Variants in LRP1B observed in about 807,000 individuals in gnomAD.
LRP1B encodes the protein low-density lipoprotein receptor-related protein 1B.
Under a neutral mutation model 556.6 loss-of-function variants are expected in LRP1B, and 217 were observed. The ratio of observed to expected loss-of-function variants is 0.39; its 90% CI spans 0.35 to 0.44. LRP1B has a LOEUF of 0.44. Ranked by LOEUF, LRP1B falls within the 20% of genes least tolerant of loss-of-function variation. The pLI, the probability that LRP1B is intolerant of heterozygous loss-of-function variation, is 1.00. For synonymous variants in LRP1B, 2,047 were observed against 1,865.8 expected, an observed-to-expected ratio of 1.10 and a Z score of -2.50; for missense variants, 5,053 against 5,620.8, an observed-to-expected ratio of 0.90 and a Z score of 3.23.
At chr2:141,276,313 G>GT (rs1216825795) in intron 3 of LRP1B, among the ~76,000 whole-genome samples, 1 of 148,972 alleles carries the variant, frequency 6.7e-6, no homozygotes, top group African/African-American at 2.5e-5. Flanking sequence ...TTAGCTTTTA[G>GT]TTTTAGGGGT....
intron 49 of LRP1B, among the ~76,000 whole-genome samples, chr2:140,521,973 T>C (rs781544923): frequency 6.6e-6 from 1 of 151,976 alleles, no homozygotes; most frequent in Non-Finnish European, 1.5e-5. Context: ...ACAAAACAAC[T>C]TGATAGCCAC....
In LRP1B at chr2:141,988,906, A is replaced by T. The variant is rs77343849; in HGVS notation, c.82+141742T>A. Reference sequence around the variant, plus strand: ...TATAACAGCTTTGTAATTATCCAACATAAATAAGTGCCTACTGCATGCATA... The same window carrying T: ...TATAACAGCTTTGTAATTATCCAACTTAAATAAGTGCCTACTGCATGCATA... On this transcript the variant is annotated intron_variant, in intron 1 of 90. Transcript: ENST00000389484. Among the ~76,000 whole-genome samples, 878 of 152,196 alleles carry T rather than the reference A, an allele frequency of 5.8e-3. 20 individuals are homozygous for T. The highest frequency in any genetic ancestry group is 3.7e-3 in the Non-Finnish European group (251 of 67,948).
intron 41 of LRP1B, among the ~76,000 whole-genome samples, chr2:140,640,544 C>A (rs939905287): frequency 6.6e-6 from 1 of 150,726 alleles, no homozygotes; most frequent in Non-Finnish European, 1.5e-5. Flanking sequence ...TACAGGCGCC[C>A]GCCACCATGC....
chr2:141,837,294 C>G (rs1447903191), intron 1 of LRP1B, among the ~76,000 whole-genome samples: 1 of 151,996 alleles, frequency 6.6e-6, no homozygotes, highest in Non-Finnish European at 1.5e-5. Flanking sequence ...TTAAAATTCA[C>G]AGTGATGGCC....
intron 6 of LRP1B, among the ~76,000 whole-genome samples, chr2:141,222,281 A>C (rs992536258): frequency 7.9e-5 from 12 of 152,220 alleles, no homozygotes; most frequent in African/African-American, 2.9e-4. Context: ...TAAACTAGAC[A>C]ATCTAGAAGA....
At chr2:140,656,091 C>T (rs974703851) in intron 41 of LRP1B, among the ~76,000 whole-genome samples, 1 of 152,196 alleles carries the variant, frequency 6.6e-6, no homozygotes, top group Non-Finnish European at 1.5e-5. Flanking sequence ...ATAAGTCCAT[C>T]TATGTCAGAC....
chr2:141,396,693 TA>T (rs1325147361), intron 3 of LRP1B, among the ~76,000 whole-genome samples: 1 of 152,132 alleles, frequency 6.6e-6, no homozygotes, highest in African/African-American at 2.4e-5. Context: ...AAATTCTGGA[TA>T]GGGGAAAAAC....
intron 23 of LRP1B, among the ~76,000 whole-genome samples, chr2:140,894,998 C>G (rs1412048963): frequency 6.6e-6 from 1 of 150,980 alleles, no homozygotes; most frequent in Non-Finnish European, 1.5e-5. Flanking sequence ...GTAATCAGAT[C>G]TGGGGTGAAA....
At chr2:140,488,697 G>A (rs1688577369) in intron 57 of LRP1B, among the ~76,000 whole-genome samples, 1 of 151,950 alleles carries the variant, frequency 6.6e-6, no homozygotes, top group Non-Finnish European at 1.5e-5. Flanking sequence ...AGAAAATAAT[G>A]TTATAGACAT....
At position 141,119,520 on chromosome 2, in the gene LRP1B, A is replaced by T. The variant is rs77021572; in HGVS notation, c.1014-57247T>A. Among the ~76,000 whole-genome samples the T allele has an allele frequency of 4.4e-3, 663 of 152,008 alleles. 9 individuals are homozygous for T. The highest frequency in any genetic ancestry group is 0.015 in the African/African-American group (629 of 41,528). On this transcript the variant is annotated intron_variant, in intron 7 of 90. Transcript: ENST00000389484. Reference sequence around the variant, plus strand: ...TGGGATATGACTACATCTTCTTCCCAAAGGATTGAATCACGTATGCCATTG... The same window carrying T: ...TGGGATATGACTACATCTTCTTCCCTAAGGATTGAATCACGTATGCCATTG...
intron 2 of LRP1B, among the ~76,000 whole-genome samples, chr2:141,714,161 C>A (rs1366859731): frequency 5.9e-5 from 9 of 152,094 alleles, no homozygotes; most frequent in Admixed American, 5.9e-4. Flanking sequence ...AGACTGAAAG[C>A]AGCTCACTCT....
intron 3 of LRP1B, among the ~76,000 whole-genome samples, chr2:141,337,923 A>G (rs1236233645): frequency 6.6e-6 from 1 of 152,184 alleles, no homozygotes; most frequent in Non-Finnish European, 1.5e-5. Context: ...ATGCTAAATC[A>G]TCTTGAATTG....
rs74741420 is a variant in LRP1B, at chr2:141,452,572, C to G, written c.343+27824G>C. Among the ~76,000 whole-genome samples, 743 of 152,252 alleles carry G rather than the reference C, an allele frequency of 4.9e-3. 3 individuals carry two copies. Among genetic ancestry groups the G allele is most frequent in the Non-Finnish European group, 7.9e-3 (538 of 68,020 alleles). ...AGCATGATTTTCTCAAAAAAGCTAGCATCGATTACACATGGCAAGCATGAG... is the reference window on the plus strand; with the variant it reads ...AGCATGATTTTCTCAAAAAAGCTAGGATCGATTACACATGGCAAGCATGAG... On this transcript the variant is annotated intron_variant, in intron 3 of 90. Transcript: ENST00000389484.
chr2:141,122,500 T>C (rs1287400702), intron 7 of LRP1B, among the ~76,000 whole-genome samples: 1 of 150,128 alleles, frequency 6.7e-6, no homozygotes, highest in Non-Finnish European at 1.5e-5. Flanking sequence ...CATGAAAAAA[T>C]GCTCATCATC....
intron 12 of LRP1B, 44 bp downstream of exon 12, chr2:141,019,878 C>T (rs1412797465): frequency 1.5e-6 from 2 of 1,334,330 alleles, no homozygotes; most frequent in African/African-American, 3.0e-5. Flanking sequence ...ACAAATTTAT[C>T]TATTATCATT....
At chr2:141,730,847 C>A (rs1019558245) in intron 2 of LRP1B, among the ~76,000 whole-genome samples, 5 of 152,170 alleles carry the variant, frequency 3.3e-5, no homozygotes, top group African/African-American at 1.2e-4. Context: ...ATATTCTTCA[C>A]TGGACAGAAG....
At chr2:141,335,276 C>T (rs1170812711) in intron 3 of LRP1B, among the ~76,000 whole-genome samples, 2 of 152,054 alleles carry the variant, frequency 1.3e-5, no homozygotes, top group Non-Finnish European at 2.9e-5. Context: ...GAAGATGGAA[C>T]AATACTGTTA....
intron 60 of LRP1B, among the ~76,000 whole-genome samples, chr2:140,464,111 G>T (rs1305739907): frequency 1.3e-5 from 2 of 151,942 alleles, no homozygotes; most frequent in Admixed American, 1.3e-4. Context: ...CAGAAGAATC[G>T]CTTGAATCCG....
At chr2:140,278,040 C>CAA (rs529038836) in intron 84 of LRP1B, among the ~76,000 whole-genome samples, 1 of 145,340 alleles carries the variant, frequency 6.9e-6, no homozygotes, top group African/African-American at 2.8e-5. Flanking sequence ...TATACAAACA[C>CAA]ACACACACAC....
Sources: allele counts gnomAD v4.1 joint callset (sites outside exome capture counted in the v4.1 genomes callset), GRCh38; gene constraint gnomAD v4.1.1; transcripts MANE v1.5; gene names NCBI Gene and HGNC (gene_info 2026-07-23, HGNC 2026-07-21).